FBXW7: variants seen among roughly 807,000 people sequenced by gnomAD.
The protein encoded by FBXW7 is F-box/WD repeat-containing protein 7.
FBXW7 carries 11 observed loss-of-function variants against 86.3 expected under a neutral mutation model. That is an observed-to-expected ratio of 0.13 (90% CI 0.08 to 0.21). The LOEUF (loss-of-function observed/expected upper bound fraction) is 0.21, where lower values mean the gene tolerates loss of function less well. Among genes scored for constraint, FBXW7 ranks in the 10% least tolerant of loss-of-function variants. FBXW7 has a pLI of 1.00. For synonymous variants in FBXW7, 313 were observed against 297.9 expected, an observed-to-expected ratio of 1.05 and a Z score of -0.52; for missense variants, 488 against 847.4, an observed-to-expected ratio of 0.58 and a Z score of 5.27.
chr4:152,403,289 C>A (rs934975607), intron 4 of FBXW7, among the ~76,000 whole-genome samples: 8 of 152,002 alleles, frequency 5.3e-5, no homozygotes, highest in African/African-American at 1.7e-4. Context: ...GCCAGCCTGG[C>A]CAACATGGTG....
intron 4 of FBXW7, among the ~76,000 whole-genome samples, chr4:152,383,647 T>C (rs766009126): frequency 2.6e-5 from 4 of 152,114 alleles, no homozygotes; most frequent in Admixed American, 6.6e-5. Context: ...TGGAGTTTTA[T>C]AGCAGGAATT....
intron 2 of FBXW7, among the ~76,000 whole-genome samples, chr4:152,510,302 A>G (rs1747840305): frequency 6.6e-6 from 1 of 152,196 alleles, no homozygotes; most frequent in African/African-American, 2.4e-5. Context: ...GTACTACTAA[A>G]TTTTGGAAGA....
At chr4:152,341,738 T>C (rs1478807720) in intron 6 of FBXW7, among the ~76,000 whole-genome samples, 3 of 152,198 alleles carry the variant, frequency 2.0e-5, no homozygotes, top group Non-Finnish European at 4.4e-5. Flanking sequence ...ATTTTGTATA[T>C]ATACAATTTA....
intron 2 of FBXW7, among the ~76,000 whole-genome samples, chr4:152,445,580 A>G (rs534782545): frequency 6.6e-6 from 1 of 152,212 alleles, no homozygotes; most frequent in Non-Finnish European, 1.5e-5. Flanking sequence ...TAATCATTAG[A>G]GTCTTTCTCA....
At position 152,320,585 on chromosome 4, in the gene FBXW7, A is replaced by C. The variant is rs1203357806; in HGVS notation, c.*2296T>G. ...TTTATTTTTTCCCCTTACATCATAAAATTTAGATTTTATAAAATTTAGATT... is the reference window on the plus strand; with the variant it reads ...TTTATTTTTTCCCCTTACATCATAACATTTAGATTTTATAAAATTTAGATT... On this transcript the variant is annotated 3_prime_UTR_variant, in exon 14 of 14. Transcript: ENST00000281708. 6.6e-6 allele frequency: 1 copy of C among 151,878 alleles called. No individual in the cohort carries two copies. The highest frequency in any genetic ancestry group is 1.9e-4 in the East Asian group (1 of 5,186). 9.4% of individuals were successfully genotyped at this position (151,878 alleles called of 1,614,324 possible).
At chr4:152,470,911 CAAAT>C (rs1369350943) in intron 2 of FBXW7, among the ~76,000 whole-genome samples, 1 of 151,994 alleles carries the variant, frequency 6.6e-6, no homozygotes, top group East Asian at 1.9e-4. Context: ...CAAAACATAA[CAAAT>C]AAGACATAAA....
chr4:152,397,901 A>G (rs758476261), intron 4 of FBXW7, among the ~76,000 whole-genome samples: 1 of 151,868 alleles, frequency 6.6e-6, no homozygotes, highest in Non-Finnish European at 1.5e-5. Context: ...AGCAAATAAC[A>G]ATGAGAGGCC....
At chr4:152,368,288 G>A (rs1051416971) in intron 4 of FBXW7, among the ~76,000 whole-genome samples, 7 of 152,140 alleles carry the variant, frequency 4.6e-5, no homozygotes, top group Non-Finnish European at 7.4e-5. Flanking sequence ...GAAAACAGCA[G>A]AATAGGACTT....
chr4:152,368,977 T>C (rs901594103), intron 4 of FBXW7, among the ~76,000 whole-genome samples: 7 of 152,094 alleles, frequency 4.6e-5, no homozygotes, highest in Admixed American at 1.3e-4. Flanking sequence ...TAACTTTTTA[T>C]GCATGGTATC....
At chr4:152,367,749 T>TA (rs1211363225) in intron 4 of FBXW7, among the ~76,000 whole-genome samples, 1 of 152,112 alleles carries the variant, frequency 6.6e-6, no homozygotes, top group African/African-American at 2.4e-5. Context: ...TATTCTAATA[T>TA]ACAGAAACTG....
chr4:152,466,189 GA>G (rs1192168369), intron 2 of FBXW7, among the ~76,000 whole-genome samples: 1 of 152,086 alleles, frequency 6.6e-6, no homozygotes, highest in Admixed American at 6.6e-5. Context: ...CAAAATACAT[GA>G]AATACACCTT....
intron 2 of FBXW7, among the ~76,000 whole-genome samples, chr4:152,465,331 T>G (rs1743304230): frequency 6.6e-6 from 1 of 152,220 alleles, no homozygotes; most frequent in Non-Finnish European, 1.5e-5. Context: ...ATATAAAAGC[T>G]ATTTTGCCTT....
At chr4:152,373,010 G>A (rs1734136847) in intron 4 of FBXW7, among the ~76,000 whole-genome samples, 1 of 151,996 alleles carries the variant, frequency 6.6e-6, no homozygotes, top group Admixed American at 6.6e-5. Flanking sequence ...TGGGAAAGGT[G>A]AGAATTACAC....
At chr4:152,432,122 T>C (rs1285679027) in intron 2 of FBXW7, among the ~76,000 whole-genome samples, 1 of 152,236 alleles carries the variant, frequency 6.6e-6, no homozygotes, top group Non-Finnish European at 1.5e-5. Context: ...TATCATATTC[T>C]TCGGTCACAA....
At chr4:152,466,680 C>A (rs1026097867) in intron 2 of FBXW7, among the ~76,000 whole-genome samples, 2 of 151,832 alleles carry the variant, frequency 1.3e-5, no homozygotes, top group African/African-American at 4.8e-5. Flanking sequence ...TGGTGGCTCA[C>A]ACCTGTAATC....
chr4:152,346,392 T>A (rs374789645), intron 6 of FBXW7, among the ~76,000 whole-genome samples: 16 of 152,114 alleles, frequency 1.1e-4, no homozygotes, highest in Non-Finnish European at 1.8e-4. Flanking sequence ...AAGGAGAAGA[T>A]GAAGGAAGGT....
At chr4:152,325,642 A>C in intron 12 of FBXW7, 1 of 204,160 alleles carries the variant, frequency 4.9e-6, no homozygotes, top group East Asian at 1.1e-4. Context: ...CAGCTATCAA[A>C]GCAAAGGGGC....
intron 4 of FBXW7, among the ~76,000 whole-genome samples, chr4:152,403,253 G>A (rs1277804106): frequency 2.6e-5 from 4 of 152,106 alleles, no homozygotes; most frequent in Non-Finnish European, 5.9e-5. Flanking sequence ...CAAGGCAGGT[G>A]GATCACTTGA....
chr4:152,517,420 GC>G (rs1400940469), intron 2 of FBXW7, among the ~76,000 whole-genome samples: 1 of 152,092 alleles, frequency 6.6e-6, no homozygotes, highest in African/African-American at 2.4e-5. Context: ...ATAATTAAAT[GC>G]CAATGAAAAT....
Sources: allele counts gnomAD v4.1 joint callset (sites outside exome capture counted in the v4.1 genomes callset), GRCh38; gene constraint gnomAD v4.1.1; transcripts MANE v1.5; gene names NCBI Gene and HGNC (gene_info 2026-07-23, HGNC 2026-07-21).